Variants in PDE4D observed in about 807,000 individuals in gnomAD.
PDE4D encodes the protein phosphodiesterase 4D.
PDE4D carries 24 observed loss-of-function variants against 87.4 expected under a neutral mutation model. That is an observed-to-expected ratio of 0.27 (90% confidence interval 0.20 to 0.39). PDE4D has a LOEUF of 0.39. Among genes scored for constraint, PDE4D ranks in the 10% least tolerant of loss-of-function variants. The pLI, the probability that PDE4D is intolerant of heterozygous loss-of-function variation, is 1.00. For synonymous variants in PDE4D, 384 were observed against 383.2 expected, an observed-to-expected ratio of 1.00 and a Z score of -0.02; for missense variants, 714 against 1,041.0, an observed-to-expected ratio of 0.69 and a Z score of 4.32.
intron 1 of PDE4D, among the ~76,000 whole-genome samples, chr5:59,820,320 C>T (rs981227651): frequency 3.3e-5 from 5 of 152,320 alleles, no homozygotes; most frequent in South Asian, 2.1e-4. Context: ...CTGCAAGGTG[C>T]GTGAACACAC....
intron 3 of PDE4D, among the ~76,000 whole-genome samples, chr5:59,944,990 AT>A (rs1757583490): frequency 6.6e-6 from 1 of 152,182 alleles, no homozygotes; most frequent in Non-Finnish European, 1.5e-5. Flanking sequence ...CTATACAGTT[AT>A]TTTTAATTTA....
chr5:59,773,896 A>G (rs759353150), intron 1 of PDE4D, among the ~76,000 whole-genome samples: 4 of 152,180 alleles, frequency 2.6e-5, no homozygotes, highest in Non-Finnish European at 5.9e-5. Flanking sequence ...ATATAAATAA[A>G]ACTCCCAACA....
At position 59,271,228 on chromosome 5, in the gene PDE4D, AG is replaced by A. The variant is rs1183463152; in HGVS notation, c.456-55261del. Among the ~76,000 whole-genome samples, 4 of 151,972 alleles carry A rather than the reference AG, an allele frequency of 2.6e-5. No individual in the cohort carries two copies. The East Asian group carries it at 5.8e-4, about 22-fold the overall frequency. ...TAATTTTTGGATTTTTAGTAGAGAC[AG>A]GGTTGCGCCATTTTGGCCAGGCTGG... On this transcript the variant is annotated intron_variant, in intron 1 of 14. Coordinates refer to ENST00000340635, the MANE Select transcript of PDE4D (RefSeq NM_001104631.2).
At chr5:60,439,916 TA>T (rs551046470) in intron 1 of PDE4D, among the ~76,000 whole-genome samples, 40,240 of 132,240 alleles carry the variant, frequency 0.3, 6,425 homozygotes, top group African/African-American at 0.47. Context: ...TTCCATTGTT[TA>T]AAAAAAAAAA....
At chr5:59,837,829 A>G (rs1311202558) in intron 1 of PDE4D, among the ~76,000 whole-genome samples, 1 of 152,092 alleles carries the variant, frequency 6.6e-6, no homozygotes, top group African/African-American at 2.4e-5. Context: ...AAGTTCACCA[A>G]TATTTTGAAA....
At chr5:59,457,884 G>A (rs2153644711) in intron 1 of PDE4D, among the ~76,000 whole-genome samples, 1 of 151,662 alleles carries the variant, frequency 6.6e-6, no homozygotes, top group Admixed American at 6.6e-5. Context: ...CAACAAGAGT[G>A]AAACTCTGTC....
At chr5:59,652,162 C>T (rs969699141) in intron 1 of PDE4D, among the ~76,000 whole-genome samples, 2 of 152,128 alleles carry the variant, frequency 1.3e-5, no homozygotes, top group African/African-American at 4.8e-5. Context: ...GTCCCAAGAA[C>T]GGTCTCATAT....
At chr5:59,259,451 T>C (rs1041986391) in intron 1 of PDE4D, among the ~76,000 whole-genome samples, 1 of 151,890 alleles carries the variant, frequency 6.6e-6, no homozygotes, top group Non-Finnish European at 1.5e-5. Flanking sequence ...ATACTTTGAA[T>C]GAAGTTAAGC....
At chr5:59,899,146 A>G (rs1236405925) in intron 3 of PDE4D, among the ~76,000 whole-genome samples, 2 of 152,224 alleles carry the variant, frequency 1.3e-5, no homozygotes, top group Non-Finnish European at 2.9e-5. Context: ...TTGCAACAGT[A>G]TGCTTTTTTC....
rs948678458 is a variant in PDE4D, at chr5:59,486,874, T to G, written c.456-270906A>C. ...ATTTATTGTAGGTCAATACTTGACA[T>G]GCTTGTATTATTGTGGGAAGTAAAA... is the stretch of plus-strand genomic sequence containing the variant. On this transcript the variant is annotated intron_variant, in intron 1 of 14. Coordinates refer to ENST00000340635, the MANE Select transcript of PDE4D (RefSeq NM_001104631.2). Among the ~76,000 whole-genome samples the G allele has an allele frequency of 2.0e-3, 297 of 152,220 alleles. 8 individuals carry two copies. The highest frequency in any genetic ancestry group is 0.019 in the Admixed American group (295 of 15,268).
At chr5:59,713,848 C>T (rs781684545) in intron 1 of PDE4D, among the ~76,000 whole-genome samples, 7 of 152,130 alleles carry the variant, frequency 4.6e-5, no homozygotes, top group Non-Finnish European at 7.3e-5. Context: ...AAGAAGTACA[C>T]TCCCAATCCC....
chr5:59,248,042 TAAAAAAAA>T (rs70975306), intron 1 of PDE4D, among the ~76,000 whole-genome samples: 6 of 37,492 alleles, frequency 1.6e-4, no homozygotes, highest in Non-Finnish European at 2.7e-4. Flanking sequence ...TATCTATTAG[TAAAAAAAA>T]AAAAAAAAAA....
At chr5:59,961,567 C>T (rs1019477710) in intron 3 of PDE4D, among the ~76,000 whole-genome samples, 12 of 152,172 alleles carry the variant, frequency 7.9e-5, no homozygotes, top group Admixed American at 7.2e-4. Context: ...TATATGGCAG[C>T]CTCAGGAAAG....
intron 1 of PDE4D, among the ~76,000 whole-genome samples, chr5:60,481,660 C>T (rs1304559791): frequency 4.6e-5 from 7 of 152,064 alleles, no homozygotes; most frequent in Admixed American, 4.6e-4. Context: ...TCATTTTCTC[C>T]CCACCTTTTT....
intron 1 of PDE4D, among the ~76,000 whole-genome samples, chr5:59,395,418 G>C (rs1242691804): frequency 6.6e-6 from 1 of 152,212 alleles, no homozygotes; most frequent in East Asian, 1.9e-4. Flanking sequence ...CCTCAAGTGG[G>C]TCTCTGACCC....
chr5:59,412,403 T>C (rs760322047), intron 1 of PDE4D, among the ~76,000 whole-genome samples: 1 of 152,176 alleles, frequency 6.6e-6, no homozygotes, highest in African/African-American at 2.4e-5. Context: ...CATACTCCCC[T>C]CTGCGGTAGT....
chr5:59,117,513 C>A (rs1029507179), intron 5 of PDE4D, among the ~76,000 whole-genome samples: 3 of 152,130 alleles, frequency 2.0e-5, no homozygotes, highest in African/African-American at 7.2e-5. Flanking sequence ...ATTTACATTT[C>A]TTATCTATAA....
intron 1 of PDE4D, among the ~76,000 whole-genome samples, chr5:59,224,292 A>G (rs957269337): frequency 1.5e-5 from 2 of 129,208 alleles, no homozygotes; most frequent in African/African-American, 7.3e-5. Flanking sequence ...ACACACACAC[A>G]TACACACACA....
chr5:60,485,876 G>A (rs1047361117), intron 1 of PDE4D, among the ~76,000 whole-genome samples: 2 of 152,152 alleles, frequency 1.3e-5, no homozygotes, highest in Admixed American at 1.3e-4. Context: ...GGAAAGTACC[G>A]ATGCAAGACG....
Sources: gnomAD v4.1 joint callset for allele counts (sites outside exome capture counted in the v4.1 genomes callset) on GRCh38, gnomAD v4.1.1 for gene constraint, MANE v1.5 for transcripts, NCBI Gene and HGNC (gene_info 2026-07-23, HGNC 2026-07-21) for gene names.